The following TTC28 variants were observed in gnomAD, a reference collection of about 807,000 sequenced individuals.
The protein encoded by TTC28 is tetratricopeptide repeat protein 28.
Under a neutral mutation model 198.0 loss-of-function variants are expected in TTC28, and 61 were observed. The observed-to-expected ratio is 0.31, with a 90% CI of 0.25 to 0.38. The LOEUF (loss-of-function observed/expected upper bound fraction) is 0.38. TTC28 is among the 10% of genes least tolerant of loss of function. The probability of loss-of-function intolerance (pLI) is 1.00; values close to 1 mark genes in which losing one functional copy is unlikely to be tolerated. For synonymous variants in TTC28, 1,171 were observed against 1,297.8 expected, an observed-to-expected ratio of 0.90 and a Z score of 2.10; for missense variants, 2,678 against 3,164.0, an observed-to-expected ratio of 0.85 and a Z score of 3.69.
rs377522551 is a variant in TTC28 at position 28,405,186 on chromosome 22, G to A, written c.382-98543C>T. Among the ~76,000 whole-genome samples the A allele has an allele frequency of 2.0e-4, 30 of 152,182 alleles. 1 individual carries two copies. The highest frequency in any genetic ancestry group is 1.9e-3 in the East Asian group (10 of 5,190). On this transcript the variant is annotated intron_variant, in intron 2 of 22. Coordinates refer to ENST00000397906, the MANE Select transcript of TTC28 (RefSeq NM_001145418.2). ...GCAGAAGGTTTTTTTAAATGATTTTGACAATGTTTTTGAGATTTAAAAAAT... is the reference window on the plus strand; with the variant it reads ...GCAGAAGGTTTTTTTAAATGATTTTAACAATGTTTTTGAGATTTAAAAAAT...
At position 28,368,074 on chromosome 22, in the gene TTC28, C is replaced by T. The variant is rs2046276385; in HGVS notation, c.382-61431G>A. 3.9e-5 allele frequency among the ~76,000 whole-genome samples: 6 copies of T among 151,926 alleles called. No homozygotes were observed. In the South Asian group the frequency reaches 6.2e-4, roughly 16 times the overall value. ...ACTCATTTTATGAAGCCAGTATTACCCTGATTCCAAAACCAAAGACACATC... is the reference window on the plus strand; with the variant it reads ...ACTCATTTTATGAAGCCAGTATTACTCTGATTCCAAAACCAAAGACACATC... On this transcript the variant is annotated intron_variant, in intron 2 of 22. Transcript: ENST00000397906.
chr22:28,159,480 C>G (rs769305906), intron 6 of TTC28, among the ~76,000 whole-genome samples: 1 of 152,010 alleles, frequency 6.6e-6, no homozygotes, highest in Non-Finnish European at 1.5e-5. Context: ...ATGCTGAAAC[C>G]CCATCTCTAC....
At chr22:28,645,648 A>C (rs2146249849) in intron 1 of TTC28, among the ~76,000 whole-genome samples, 1 of 152,092 alleles carries the variant, frequency 6.6e-6, no homozygotes, top group Non-Finnish European at 1.5e-5. Context: ...AAAAAAGATA[A>C]TTCGCCATGA....
rs1242940401 is a variant in TTC28, at chr22:28,204,059, C to T, written c.934-40460G>A. Among the ~76,000 whole-genome samples, 3 of 152,166 alleles carry T rather than the reference C, an allele frequency of 2.0e-5. No individual in the cohort carries two copies. The East Asian group carries it at 5.8e-4, about 29-fold the overall frequency. ...CTTCATGATTCCTCTCAAGTGTAAA[C>T]CTTTTCATAAAATCCATCCTGACTT... On this transcript the variant is annotated intron_variant, in intron 5 of 22. Transcript: ENST00000397906.
Position 28,659,723 on chromosome 22 carries a change from A to G in TTC28, c.102+19899T>C, listed in dbSNP as rs577788559. Reference sequence around the variant, plus strand: ...GCTGGGGTGAGCTATAAGAGCACCAATGAACTCCAGCCTGGGTGACAGGGC... The same window carrying G: ...GCTGGGGTGAGCTATAAGAGCACCAGTGAACTCCAGCCTGGGTGACAGGGC... On this transcript the variant is annotated intron_variant, in intron 1 of 22. Coordinates refer to ENST00000397906, the MANE Select transcript of TTC28 (RefSeq NM_001145418.2). 7.9e-5 allele frequency among the ~76,000 whole-genome samples: 12 copies of G among 152,162 alleles called. No individual in the cohort carries two copies. In the Middle Eastern group the frequency reaches 0.014, roughly 173 times the overall value.
Position 28,041,566 on chromosome 22 carries a change from G to T in TTC28, c.3933-11200C>A, listed in dbSNP as rs538174704. 1.6e-3 allele frequency among the ~76,000 whole-genome samples: 239 copies of T among 152,106 alleles called. 1 individual carries two copies. The highest frequency in any genetic ancestry group is 9.8e-3 in the South Asian group (47 of 4,812). The stretch of plus-strand genomic sequence containing the variant: ...TGAAACTGGATCCCTTCCTTACACC[G>T]TATACAAAAATTAACTCCAGATGGA... On this transcript the variant is annotated intron_variant, in intron 12 of 22. Transcript: ENST00000397906.
At chr22:28,275,812 G>A (rs1426309983) in intron 5 of TTC28, among the ~76,000 whole-genome samples, 1 of 152,140 alleles carries the variant, frequency 6.6e-6, no homozygotes, top group Non-Finnish European at 1.5e-5. Flanking sequence ...ACTCCATTCT[G>A]ATGCTGAAAT....
intron 2 of TTC28, among the ~76,000 whole-genome samples, chr22:28,568,598 A>C (rs1008073803): frequency 6.6e-6 from 1 of 152,186 alleles, no homozygotes; most frequent in Non-Finnish European, 1.5e-5. Flanking sequence ...TCAAGAATGC[A>C]ATCCCATTCA....
intron 2 of TTC28, among the ~76,000 whole-genome samples, chr22:28,621,109 G>A (rs2050987291): frequency 6.6e-6 from 1 of 152,178 alleles, no homozygotes; most frequent in South Asian, 2.1e-4. Context: ...GCTTACAAAA[G>A]TGTCTTCAAC....
At chr22:28,250,744 A>G (rs1930455509) in intron 5 of TTC28, among the ~76,000 whole-genome samples, 1 of 152,248 alleles carries the variant, frequency 6.6e-6, no homozygotes, top group Admixed American at 6.5e-5. Flanking sequence ...TCCCTCAAAT[A>G]TCTGCAAACA....
At chr22:28,445,077 TATTCCAGG>T (rs2047683422) in intron 2 of TTC28, among the ~76,000 whole-genome samples, 1 of 152,192 alleles carries the variant, frequency 6.6e-6, no homozygotes, top group Non-Finnish European at 1.5e-5. Context: ...ACACCATTAT[TATTCCAGG>T]ATCACAAACT....
At chr22:28,387,327 A>T (rs1285748092) in intron 2 of TTC28, among the ~76,000 whole-genome samples, 1 of 152,222 alleles carries the variant, frequency 6.6e-6, no homozygotes, top group Non-Finnish European at 1.5e-5. Context: ...TCTTTATAGC[A>T]GCATGATTTA....
intron 2 of TTC28, among the ~76,000 whole-genome samples, chr22:28,401,330 C>T (rs134543): frequency 0.21 from 32,476 of 151,960 alleles, 3,713 homozygotes; most frequent in Non-Finnish European, 0.24. Flanking sequence ...AAAAACTAAA[C>T]CAGGGCCAGG....
In TTC28 at chr22:28,489,159, C is replaced by G. The variant is rs141198539; in HGVS notation, c.381+140393G>C. Among the ~76,000 whole-genome samples, 1,066 of 152,114 alleles carry G rather than the reference C, an allele frequency of 7.0e-3. 12 individuals are homozygous for G. The highest frequency in any genetic ancestry group is 0.025 in the African/African-American group (1,029 of 41,488). ...ATTAGCTGGGCACAGTAGGGCATGC[C>G]TGTAGTCCCAGCTACTCATGAGGCT... On this transcript the variant is annotated intron_variant, in intron 2 of 22. Coordinates refer to ENST00000397906, the MANE Select transcript of TTC28 (RefSeq NM_001145418.2).
intron 2 of TTC28, among the ~76,000 whole-genome samples, chr22:28,392,833 G>A (rs193234685): frequency 1.6e-3 from 235 of 151,158 alleles, no homozygotes; most frequent in Non-Finnish European, 2.8e-3. Context: ...GCTGTAGACC[G>A]GAGCTGCTCC....
intron 16 of TTC28, among the ~76,000 whole-genome samples, chr22:27,997,006 C>T (rs1937564916): frequency 6.6e-6 from 1 of 152,210 alleles, no homozygotes; most frequent in Admixed American, 6.5e-5. Flanking sequence ...CCTGCAGAGA[C>T]AGGAAAGGGG....
At chr22:28,209,495 C>T (rs756751336) in intron 5 of TTC28, among the ~76,000 whole-genome samples, 2 of 152,216 alleles carry the variant, frequency 1.3e-5, no homozygotes, top group Admixed American at 6.5e-5. Flanking sequence ...TGATATACTG[C>T]GCCTGGATCA....
intron 12 of TTC28, chr22:28,056,113 T>A (rs1204844894): frequency 1.3e-5 from 2 of 152,312 alleles, no homozygotes; most frequent in East Asian, 1.9e-4. Context: ...AGTGAATACC[T>A]ATATTTTACT....
chr22:28,567,628 G>A (rs998573752), intron 2 of TTC28, among the ~76,000 whole-genome samples: 1 of 150,782 alleles, frequency 6.6e-6, no homozygotes, highest in East Asian at 1.9e-4. Context: ...TCTATAACAA[G>A]TCAAACTATC....
Sources: gnomAD v4.1 joint callset for allele counts (sites outside exome capture counted in the v4.1 genomes callset) on GRCh38, gnomAD v4.1.1 for gene constraint, MANE v1.5 for transcripts, NCBI Gene and HGNC (gene_info 2026-07-23, HGNC 2026-07-21) for gene names.